RSRC1: variants seen among roughly 807,000 people sequenced by gnomAD.
The protein encoded by RSRC1 is arginine and serine rich coiled-coil 1.
Under a neutral mutation model 49.1 loss-of-function variants are expected in RSRC1, and 39 were observed. The ratio of observed to expected loss-of-function variants is 0.79; its 90% CI spans 0.61 to 1.04. RSRC1 has a LOEUF of 1.04. Among genes scored for constraint, RSRC1 ranks in the 50% least tolerant of loss-of-function variants. The pLI is 0.00. For synonymous variants in RSRC1, 143 were observed against 130.8 expected, an observed-to-expected ratio of 1.09 and a Z score of -0.63; for missense variants, 388 against 402.4, an observed-to-expected ratio of 0.96 and a Z score of 0.31.
intron 3 of RSRC1, among the ~76,000 whole-genome samples, chr3:158,139,440 A>T (rs1716603327): frequency 6.6e-6 from 1 of 152,056 alleles, no homozygotes; most frequent in Non-Finnish European, 1.5e-5. Context: ...AAGCATGTTT[A>T]TCTTGTGGGT....
chr3:158,494,491 A>C (rs1739222190), intron 7 of RSRC1, among the ~76,000 whole-genome samples: 1 of 152,214 alleles, frequency 6.6e-6, no homozygotes, highest in South Asian at 2.1e-4. Flanking sequence ...GGCTATACTA[A>C]GTGTATAGAA....
chr3:158,324,635 A>T (rs537309071), intron 5 of RSRC1, among the ~76,000 whole-genome samples: 6 of 152,208 alleles, frequency 3.9e-5, no homozygotes, highest in African/African-American at 1.2e-4. Flanking sequence ...TCTATCATTG[A>T]TGGACATTTG....
At chr3:158,282,039 A>G (rs1726210970) in intron 4 of RSRC1, among the ~76,000 whole-genome samples, 1 of 152,220 alleles carries the variant, frequency 6.6e-6, no homozygotes, top group African/African-American at 2.4e-5. Context: ...CTTGGTACAC[A>G]GCCAGTGCTT....
At chr3:158,389,805 T>C (rs1329166681) in intron 6 of RSRC1, among the ~76,000 whole-genome samples, 1 of 152,158 alleles carries the variant, frequency 6.6e-6, no homozygotes, top group Non-Finnish European at 1.5e-5. Context: ...CATGGAATAA[T>C]TCTTTCCAGA....
chr3:158,510,966 T>G (rs1432751059), intron 7 of RSRC1, among the ~76,000 whole-genome samples: 4 of 152,228 alleles, frequency 2.6e-5, no homozygotes, highest in African/African-American at 9.6e-5. Context: ...TAGATTTATT[T>G]GGTGAGAATA....
chr3:158,120,987 G>C (rs1055636746), intron 1 of RSRC1, among the ~76,000 whole-genome samples: 2 of 151,320 alleles, frequency 1.3e-5, no homozygotes, highest in African/African-American at 4.8e-5. Flanking sequence ...AAAGCCTTAG[G>C]TTCTATTTGT....
intron 7 of RSRC1, among the ~76,000 whole-genome samples, chr3:158,465,652 TTTCTTTC>T (rs1208726904): frequency 6.6e-6 from 1 of 152,234 alleles, no homozygotes; most frequent in African/African-American, 2.4e-5. Flanking sequence ...TGCAATATTA[TTTCTTTC>T]TTACATTTAC....
chr3:158,365,798 C>G (rs1385960110), intron 6 of RSRC1, among the ~76,000 whole-genome samples: 1 of 152,198 alleles, frequency 6.6e-6, no homozygotes, highest in East Asian at 1.9e-4. Flanking sequence ...TCCACATCCT[C>G]TCCAGCATCT....
chr3:158,293,041 G>A (rs1008005204), intron 4 of RSRC1, among the ~76,000 whole-genome samples: 2 of 152,028 alleles, frequency 1.3e-5, no homozygotes, highest in Non-Finnish European at 2.9e-5. Context: ...TTGTTTTGAG[G>A]TGGTCATTCT....
At chr3:158,213,646 C>G (rs1721807486) in intron 4 of RSRC1, among the ~76,000 whole-genome samples, 1 of 151,794 alleles carries the variant, frequency 6.6e-6, no homozygotes, top group South Asian at 2.1e-4. Context: ...AGTCTTTGGC[C>G]CCTGTGGATA....
intron 5 of RSRC1, among the ~76,000 whole-genome samples, chr3:158,325,494 C>G (rs1188317713): frequency 6.6e-6 from 1 of 152,156 alleles, no homozygotes; most frequent in Non-Finnish European, 1.5e-5. Context: ...GAATCCTTTC[C>G]TCATTGCTTG....
At chr3:158,433,873 A>C (rs1040964243) in intron 6 of RSRC1, among the ~76,000 whole-genome samples, 13 of 152,068 alleles carry the variant, frequency 8.5e-5, no homozygotes, top group Admixed American at 7.2e-4. Flanking sequence ...TTCAAATTTT[A>C]ATCTTTGTTT....
chr3:158,512,558 G>A (rs1322543567), intron 7 of RSRC1, among the ~76,000 whole-genome samples: 14 of 152,192 alleles, frequency 9.2e-5, no homozygotes, highest in South Asian at 4.2e-4. Flanking sequence ...TGATGCCTCT[G>A]GCTTTGTTCT....
chr3:158,312,343 T>G (rs1728177678), intron 5 of RSRC1, among the ~76,000 whole-genome samples: 1 of 152,122 alleles, frequency 6.6e-6, no homozygotes, highest in South Asian at 2.1e-4. Flanking sequence ...ATCTTGGAAC[T>G]TCAGAAATAT....
intron 6 of RSRC1, among the ~76,000 whole-genome samples, chr3:158,436,459 G>A (rs1000742272): frequency 1.3e-5 from 2 of 151,908 alleles, no homozygotes; most frequent in African/African-American, 4.8e-5. Context: ...AGATTCAGCA[G>A]TAGTCTGCTT....
At chr3:158,151,186 G>A (rs1352885542) in intron 3 of RSRC1, among the ~76,000 whole-genome samples, 1 of 152,170 alleles carries the variant, frequency 6.6e-6, no homozygotes, top group Non-Finnish European at 1.5e-5. Flanking sequence ...TGACACAGGA[G>A]CCTTCATAAG....
chr3:158,328,805 T>C (rs181913110), intron 5 of RSRC1, among the ~76,000 whole-genome samples: 2 of 152,290 alleles, frequency 1.3e-5, no homozygotes, highest in Admixed American at 6.5e-5. Flanking sequence ...GTGGGAAAGT[T>C]CTCCTGGATA....
chr3:158,217,810 G>T (rs1722033674), intron 4 of RSRC1, among the ~76,000 whole-genome samples: 1 of 150,692 alleles, frequency 6.6e-6, no homozygotes. Flanking sequence ...ATCATTTTTA[G>T]TAGTAATAAA....
At chr3:158,179,245 A>G (rs1209976644) in intron 3 of RSRC1, among the ~76,000 whole-genome samples, 3 of 152,180 alleles carry the variant, frequency 2.0e-5, no homozygotes, top group African/African-American at 7.2e-5. Context: ...GAGATCCTAT[A>G]CACTCTTTGT....
Sources: allele counts gnomAD v4.1 joint callset (sites outside exome capture counted in the v4.1 genomes callset), GRCh38; gene constraint gnomAD v4.1.1; transcripts MANE v1.5; gene names NCBI Gene and HGNC (gene_info 2026-07-23, HGNC 2026-07-21).